The following COL12A1 variants were observed in gnomAD, a reference collection of about 807,000 sequenced individuals.
The protein encoded by COL12A1 is collagen alpha-1(XII) chain.
A neutral mutation model predicts 349.7 loss-of-function variants in COL12A1; 114 were observed. The observed-to-expected ratio is 0.33, with a 90% CI of 0.28 to 0.38. The LOEUF (loss-of-function observed/expected upper bound fraction) is 0.38. Ranked by LOEUF, COL12A1 falls within the 10% of genes least tolerant of loss-of-function variation. The pLI is 1.00. For synonymous variants in COL12A1, 1,369 were observed against 1,329.0 expected, an observed-to-expected ratio of 1.03 and a Z score of -0.66; for missense variants, 3,284 against 3,756.9, an observed-to-expected ratio of 0.87 and a Z score of 3.29.
chr6:75,101,819 A>G, intron 57 of COL12A1, 166 bp from the exon 58 acceptor site: 1 of 956,622 alleles, frequency 1.0e-6, no homozygotes, highest in South Asian at 1.6e-5. Context: ...TCAGTCAACA[A>G]GCAGATACCT....
In COL12A1 at chr6:75,192,306, TAA is replaced by T; in HGVS notation, c.238_239del (p.Leu80IlefsTer7). 2 of 1,612,018 alleles carry T rather than the reference TAA, an allele frequency of 1.2e-6. No homozygotes were observed. Among genetic ancestry groups the T allele is most frequent in the Non-Finnish European group, 1.7e-6 (2 of 1,178,766 alleles). On this transcript the variant is annotated frameshift_variant, in exon 4 of 66. Transcript: ENST00000322507. LOFTEE classifies it high-confidence loss of function. Reference protein sequence around the residue: ...FTLSASTTETLLSELVPETEY... With the variant: ...FTLSASTTETXLSELVPETEY... ...CTGTTTCAGGTACAAGTTCTGACAA[TAA>T]AGTTTCAGTGGTACTAGCTGAAAGG...
chr6:75,150,408 A>T lies in COL12A1; in HGVS notation c.4147+733T>A, dbSNP rs1256268075. Among the ~76,000 whole-genome samples, 5 of 152,150 alleles carry T rather than the reference A, an allele frequency of 3.3e-5. 1 individual carries two copies. The highest frequency in any genetic ancestry group is 6.3e-3 in the Middle Eastern group (2 of 316). On this transcript the variant is annotated intron_variant, in intron 21 of 65. Coordinates refer to ENST00000322507, the MANE Select transcript of COL12A1 (RefSeq NM_004370.6). Reference sequence around the variant, plus strand: ...AATACCCCTAAAAACATCTTTAAACATTTGACCCAGACCAAGTAATTTTTC... The same window carrying T: ...AATACCCCTAAAAACATCTTTAAACTTTTGACCCAGACCAAGTAATTTTTC...
intron 14 of COL12A1, 70 bp downstream of exon 14, chr6:75,165,437 C>A: frequency 1.3e-6 from 2 of 1,523,486 alleles, no homozygotes; most frequent in South Asian, 2.5e-5. Flanking sequence ...GATTAAACTG[C>A]ATGTCACTTG....
chr6:75,162,538 G>T (rs956389392), intron 14 of COL12A1, among the ~76,000 whole-genome samples: 2 of 151,932 alleles, frequency 1.3e-5, no homozygotes, highest in African/African-American at 4.8e-5. Context: ...TAAATGTAAG[G>T]CCTAAAACCA....
chr6:75,188,815 T>A (rs1769771691), intron 7 of COL12A1, among the ~76,000 whole-genome samples: 1 of 152,134 alleles, frequency 6.6e-6, no homozygotes, highest in African/African-American at 2.4e-5. Flanking sequence ...GTCTTTGCCA[T>A]CTGTAAAGAT....
intron 36 of COL12A1, 68 bp downstream of exon 36, chr6:75,130,784 A>T: frequency 6.3e-7 from 1 of 1,593,682 alleles, no homozygotes. Flanking sequence ...CCCACCACTC[A>T]TTCAATCAGA....
At chr6:75,189,493 T>C in intron 6 of COL12A1, 59 bp downstream of exon 6, 1 of 1,582,500 alleles carries the variant, frequency 6.3e-7, no homozygotes, top group Non-Finnish European at 8.6e-7. Context: ...AATGCATCAT[T>C]TCTTTCTGAA....
intron 5 of COL12A1, among the ~76,000 whole-genome samples, chr6:75,191,135 G>A (rs1331197792): frequency 2.6e-5 from 4 of 151,922 alleles, no homozygotes; most frequent in Non-Finnish European, 5.9e-5. Flanking sequence ...GCTTTCATCT[G>A]ATTACAAATG....
chr6:75,183,451 A>G lies in COL12A1; in HGVS notation c.1490T>C (p.Phe497Ser). 6.2e-7 allele frequency: 1 copy of G among 1,614,182 alleles called. No individual in the cohort carries two copies. The highest frequency in any genetic ancestry group is 8.5e-7 in the Non-Finnish European group (1 of 1,180,034). ...TTCAATTATATCTTCAACTTTGGTGAATTTTTTCAAAGTGAACTCAGTATG... is the reference window on the plus strand; with the variant it reads ...TTCAATTATATCTTCAACTTTGGTGGATTTTTTCAAAGTGAACTCAGTATG... ...DPHTEFTLKKFTKVEDIIEAI... is the reference protein window; with the variant it reads ...DPHTEFTLKKSTKVEDIIEAI... Residue 497 changes from phenylalanine to serine, a missense_variant, in exon 10 of 66, where the codon TTC becomes TCC. Phe to Ser is a radical substitution (Grantham distance 155). Around this residue, in one of 2 missense-constraint regions of COL12A1, gnomAD observed 2,601 missense variants for 2,824.8 expected, o/e 0.92. Transcript: ENST00000322507.
intron 31 of COL12A1, among the ~76,000 whole-genome samples, chr6:75,137,048 T>G (rs916014008): frequency 1.2e-4 from 18 of 151,960 alleles, no homozygotes; most frequent in South Asian, 6.2e-4. Context: ...AAAATAAACA[T>G]TATAGGTAAG....
In COL12A1 at chr6:75,194,876, C is replaced by T; in HGVS notation, c.145G>A (p.Val49Ile). ...ATTCTGTAACCCACAATTGGATCAA[C>T]TGGTTTTGCCCATGACATATGAACA... is the stretch of plus-strand genomic sequence containing the variant. The part of the protein sequence containing the change: ...NTVHMSWAKP[V>I]DPIVGYRITV... The change falls in exon 3 of 66, where the codon GTT becomes ATT. Residue 49 changes from valine (V) to isoleucine (I), a missense_variant. Around this residue, in one of 2 missense-constraint regions of COL12A1, gnomAD observed 2,601 missense variants for 2,824.8 expected, o/e 0.92. Coordinates refer to ENST00000322507, the MANE Select transcript of COL12A1 (RefSeq NM_004370.6). 2 of 1,612,364 alleles carry T rather than the reference C, an allele frequency of 1.2e-6. No homozygotes were observed. Among genetic ancestry groups the T allele is most frequent in the Non-Finnish European group, 1.7e-6 (2 of 1,179,064 alleles).
chr6:75,124,638 T>C (rs895825896), intron 40 of COL12A1, among the ~76,000 whole-genome samples: 5 of 151,990 alleles, frequency 3.3e-5, no homozygotes, highest in Non-Finnish European at 4.4e-5. Context: ...TCATGGAAAA[T>C]AATGAAAACA....
At chr6:75,096,710 A>C (rs1475059812) in intron 59 of COL12A1, among the ~76,000 whole-genome samples, 1 of 152,006 alleles carries the variant, frequency 6.6e-6, no homozygotes, top group Non-Finnish European at 1.5e-5. Flanking sequence ...TCCCGGCTAA[A>C]AGGGTGAAAC....
At position 75,113,218 on chromosome 6, in the gene COL12A1, C is replaced by T. The variant is rs779477270; in HGVS notation, c.7936G>A (p.Gly2646Arg). The T allele has an allele frequency of 6.5e-7, 1 of 1,543,236 alleles. No individual in the cohort carries two copies. The highest frequency in any genetic ancestry group is 8.7e-7 in the Non-Finnish European group (1 of 1,145,992). ...DTEEVKTLFY[G>R]SFHKVHIVVT... ...TATGTTTTTACCTTGTGAAAACTTCCATAAAATAATGTCTTTACTTCTTCT... is the reference window on the plus strand; with the variant it reads ...TATGTTTTTACCTTGTGAAAACTTCTATAAAATAATGTCTTTACTTCTTCT... The change falls in exon 51 of 66, where the codon GGA becomes AGA. Residue 2646 changes from glycine to arginine, a missense_variant. Physicochemically the swap from Gly to Arg is moderately radical, Grantham distance 125 (BLOSUM62 -2). Transcript: ENST00000322507.
At chr6:75,180,880 C>T in intron 11 of COL12A1, 59 bp downstream of exon 11, 1 of 1,552,824 alleles carries the variant, frequency 6.4e-7, no homozygotes, top group Non-Finnish European at 8.7e-7. Flanking sequence ...CAAACTGTAA[C>T]TTTGTAGTGC....
rs3777507 is a variant in COL12A1 at position 75,175,589 on chromosome 6, A to G, written c.2438-279T>C. ...TCTTTCATGTTAGAATATTTCCTATAAAATAGTTTCCCTGTATTTCCTTAA... is the reference window on the plus strand; with the variant it reads ...TCTTTCATGTTAGAATATTTCCTATGAAATAGTTTCCCTGTATTTCCTTAA... On this transcript the variant is annotated intron_variant, in intron 12 of 65. Coordinates refer to ENST00000322507, the MANE Select transcript of COL12A1 (RefSeq NM_004370.6). Among the ~76,000 whole-genome samples the G allele has an allele frequency of 0.83, 126,391 of 152,190 alleles. 53,680 individuals are homozygous for G. Among genetic ancestry groups the G allele is most frequent in the Non-Finnish European group, 0.93 (63,068 of 68,030 alleles).
intron 23 of COL12A1, among the ~76,000 whole-genome samples, chr6:75,146,793 T>C (rs953006251): frequency 3.9e-5 from 6 of 152,174 alleles, no homozygotes; most frequent in African/African-American, 1.4e-4. Flanking sequence ...TGTTCAAAGA[T>C]TGAGTTCAAA....
In COL12A1 at chr6:75,119,066, G is replaced by A. The variant is rs367980407; in HGVS notation, c.7331C>T (p.Ala2444Val). 67 of 1,613,738 alleles carry A rather than the reference G, an allele frequency of 4.2e-5. No homozygotes were observed. Among genetic ancestry groups the A allele is most frequent in the African/African-American group, 4.0e-5 (3 of 74,856 alleles). ...GCCTGACTGCTGGATGACCAAAGCC[G>A]CCTTCTTGACCTCATCCTGGGACCG... Reference protein sequence around the residue: ...DGRSQDEVKKAALVIQQSGFS... With the variant: ...DGRSQDEVKKVALVIQQSGFS... Residue 2444 changes from alanine (A) to valine (V), a missense_variant, in exon 46 of 66, where the codon GCG becomes GTG. Ala to Val is a moderately conservative substitution (Grantham distance 64). Transcript: ENST00000322507.
chr6:75,131,845 T>C, intron 35 of COL12A1, 95 bp downstream of exon 35: 3 of 1,346,150 alleles, frequency 2.2e-6, no homozygotes, highest in Admixed American at 4.0e-5. Flanking sequence ...TACACTGGCA[T>C]GTTTGTGGTT....
Sources: gnomAD v4.1 joint callset for allele counts (sites outside exome capture counted in the v4.1 genomes callset) on GRCh38, gnomAD v4.1.1 for gene constraint, gnomAD v4.1.1 regional missense constraint, MANE v1.5 for transcripts, NCBI Gene and HGNC (gene_info 2026-07-23, HGNC 2026-07-21) for gene names.